The following TSPEAR variants were observed in gnomAD, a reference collection of about 807,000 sequenced individuals.
The protein encoded by TSPEAR is thrombospondin type laminin G domain and EAR repeats.
In TSPEAR, 69 loss-of-function variants were observed where a neutral mutation model predicts 71.6. The observed-to-expected ratio is 0.96, with a 90% CI of 0.79 to 1.18. TSPEAR has a LOEUF of 1.18. Among genes scored for constraint, TSPEAR ranks in the 50% most tolerant of loss-of-function variants. TSPEAR has a pLI of 0.00. For synonymous variants in TSPEAR, 402 were observed against 387.2 expected (o/e 1.04, Z -0.45); for missense variants, 971 against 894.9 (o/e 1.09, Z -1.09).
At chr21:44,647,332 T>C in intron 1 of TSPEAR, 2 of 1,613,890 alleles carry the variant, frequency 1.2e-6, no homozygotes, top group Non-Finnish European at 1.7e-6. Context: ...CAGCCTCTGC[T>C]CAGGCAAGAA....
rs372674316 is a variant in TSPEAR, at chr21:44,697,312, T to C, written c.82+14121A>G. 2.9e-4 allele frequency: 473 copies of C among 1,612,446 alleles called. No homozygotes were observed. In the African/African-American group the frequency reaches 3.5e-3, roughly 12 times the overall value. On this transcript the variant is annotated intron_variant, in intron 1 of 11. Transcript: ENST00000323084. ...TGGACGACTGCCCAGAGAGCTGCTG[T>C]GAGCCCCCCTGCTGCGCCCCGGCCC...
Position 44,710,709 on chromosome 21 carries a change from C to A in TSPEAR, c.82+724G>T, listed in dbSNP as rs1988177169. On this transcript the variant is annotated intron_variant, in intron 1 of 11. Transcript: ENST00000323084. This position sits in a 1 kb window ranked among gnomAD's most constrained non-coding sequence, Gnocchi z 4.6. The stretch of plus-strand genomic sequence containing the variant: ...GTTTCTAGCGACCAGGTCTAGTTGT[C>A]GTGTTACTTTATTAAATTTTGGTTT... 6.6e-6 allele frequency among the ~76,000 whole-genome samples: 1 copy of A among 152,220 alleles called. No individual in the cohort carries two copies. The highest frequency in any genetic ancestry group is 2.1e-4 in the South Asian group (1 of 4,834).
intron 11 of TSPEAR, among the ~76,000 whole-genome samples, chr21:44,504,134 A>G (rs1342416523): frequency 2.0e-3 from 197 of 97,468 alleles, no homozygotes; most frequent in East Asian, 4.0e-3. Flanking sequence ...AGCCGGCCTC[A>G]GTGAGCCCAC....
chr21:44,684,017 T>C (rs1986741024), intron 1 of TSPEAR, among the ~76,000 whole-genome samples: 1 of 152,196 alleles, frequency 6.6e-6, no homozygotes, highest in East Asian at 1.9e-4. Flanking sequence ...GTAGGATAAA[T>C]AGGAAGAAAA....
intron 1 of TSPEAR, among the ~76,000 whole-genome samples, chr21:44,674,039 G>C (rs73234817): frequency 2.0e-5 from 3 of 151,660 alleles, no homozygotes; most frequent in Non-Finnish European, 4.4e-5. Context: ...AGTCCCAGCT[G>C]CTAGGGAGGT....
intron 8 of TSPEAR, among the ~76,000 whole-genome samples, chr21:44,525,100 T>C (rs1027706645): frequency 2.0e-5 from 3 of 150,914 alleles, no homozygotes; most frequent in Non-Finnish European, 4.4e-5. Context: ...GTCATTCAGG[T>C]TGTCAGTCAG....
intron 1 of TSPEAR, chr21:44,600,571 C>A: frequency 2.2e-6 from 3 of 1,342,798 alleles, no homozygotes; most frequent in Non-Finnish European, 1.9e-6. Flanking sequence ...CTCACTCACT[C>A]ATTCACTCAC....
At chr21:44,517,872 C>T (rs138626516) in intron 9 of TSPEAR, 720 of 471,180 alleles carry the variant, frequency 1.5e-3, no homozygotes, top group African/African-American at 0.013. Flanking sequence ...TTGGGCTCAG[C>T]GCCCTTTCAG....
chr21:44,580,480 G>A (rs782425609), intron 1 of TSPEAR: 42 of 1,613,174 alleles, frequency 2.6e-5, no homozygotes, highest in East Asian at 1.8e-4. Flanking sequence ...GGCAGGGGGC[G>A]GTGCCGCAGG....
chr21:44,649,574 G>C (rs1438683946), intron 1 of TSPEAR, among the ~76,000 whole-genome samples: 2 of 152,186 alleles, frequency 1.3e-5, no homozygotes, highest in Non-Finnish European at 2.9e-5. Context: ...TGGCCCACAC[G>C]CATGCCACAG....
chr21:44,596,624 C>T (rs1555927630), intron 1 of TSPEAR, among the ~76,000 whole-genome samples: 1 of 152,262 alleles, frequency 6.6e-6, no homozygotes, highest in African/African-American at 2.4e-5. Context: ...AGCCCAGCAG[C>T]AAGTCATCTG....
rs782425871 is a variant in TSPEAR, at chr21:44,612,826, G to A, written c.83-44821C>T. 29 of 1,612,468 alleles carry A rather than the reference G, an allele frequency of 1.8e-5. No homozygotes were observed. In the Middle Eastern group the frequency reaches 5.2e-4, roughly 29 times the overall value. On this transcript the variant is annotated intron_variant, in intron 1 of 11. Coordinates refer to ENST00000323084, the MANE Select transcript of TSPEAR (RefSeq NM_144991.3). This position sits in a 1 kb window ranked among gnomAD's most constrained non-coding sequence, Gnocchi z 4.1. ...CCTGCCAGCCCAGCTGCTGCCACCC[G>A]GCCTCCTGCCTGTCCTTCCTCTGCC...
intron 1 of TSPEAR, among the ~76,000 whole-genome samples, chr21:44,571,826 T>C (rs9984319): frequency 3.9e-5 from 6 of 152,044 alleles, no homozygotes; most frequent in African/African-American, 7.2e-5. Context: ...AGGAAGCAAA[T>C]AGACACACAG....
At chr21:44,656,634 G>T (rs1985164231) in intron 1 of TSPEAR, among the ~76,000 whole-genome samples, 2 of 152,012 alleles carry the variant, frequency 1.3e-5, no homozygotes, top group Admixed American at 1.3e-4. Context: ...CTTACTATTT[G>T]ATGCTTGGAT....
chr21:44,590,276 C>T (rs1019727996), intron 1 of TSPEAR, among the ~76,000 whole-genome samples: 5 of 152,240 alleles, frequency 3.3e-5, no homozygotes, highest in Admixed American at 6.5e-5. Flanking sequence ...TCGCCCAACG[C>T]GGTATCGTGG....
chr21:44,702,468 C>G, intron 1 of TSPEAR: 1 of 1,609,444 alleles, frequency 6.2e-7, no homozygotes, highest in Non-Finnish European at 8.5e-7. Context: ...AGCAGTCCTG[C>G]TGTGTGCCCG....
Position 44,558,171 on chromosome 21 carries a change from G to A in TSPEAR, c.303+9614C>T, listed in dbSNP as rs376857760. On this transcript the variant is annotated intron_variant, in intron 2 of 11. Transcript: ENST00000323084. ...GCGGCAGCAGCTGGGCTGGCAGGTGGAGGCAGGGGCACAGCAGGAGGGGAT... is the reference window on the plus strand; with the variant it reads ...GCGGCAGCAGCTGGGCTGGCAGGTGAAGGCAGGGGCACAGCAGGAGGGGAT... 8.4e-6 allele frequency: 13 copies of A among 1,546,702 alleles called. No individual in the cohort carries two copies. The African/African-American group carries it at 1.6e-4, about 20-fold the overall frequency.
chr21:44,650,537 C>T lies in TSPEAR; in HGVS notation c.82+60896G>A, dbSNP rs1223624307. ...AAGGACACCAAAGAAGGCAACAGGC[C>T]CAGAAAACAGGACAGAGTCATCCCC... On this transcript the variant is annotated intron_variant, in intron 1 of 11. Coordinates refer to ENST00000323084, the MANE Select transcript of TSPEAR (RefSeq NM_144991.3). Among the ~76,000 whole-genome samples, 3 of 152,152 alleles carry T rather than the reference C, an allele frequency of 2.0e-5. No homozygotes were observed. The East Asian group carries it at 5.8e-4, about 29-fold the overall frequency.
chr21:44,542,510 G>A (rs2053237121), intron 2 of TSPEAR, among the ~76,000 whole-genome samples: 1 of 152,120 alleles, frequency 6.6e-6, no homozygotes, highest in Non-Finnish European at 1.5e-5. Flanking sequence ...CACTCTGGGA[G>A]GCCAAGGTGG....
Sources: gnomAD v4.1 joint callset for allele counts (sites outside exome capture counted in the v4.1 genomes callset) on GRCh38, gnomAD v4.1.1 for gene constraint, Gnocchi (gnomAD v3.1) non-coding constraint, MANE v1.5 for transcripts, NCBI Gene and HGNC (gene_info 2026-07-23, HGNC 2026-07-21) for gene names.